The following MYO3B variants were observed in gnomAD, a reference collection of about 807,000 sequenced individuals.
MYO3B encodes the protein myosin-IIIb.
A neutral mutation model predicts 174.6 loss-of-function variants in MYO3B; 156 were observed. That is an observed-to-expected ratio of 0.89 (90% CI 0.78 to 1.02). MYO3B has a LOEUF of 1.02. Ranked by LOEUF, MYO3B falls within the 50% of genes least tolerant of loss-of-function variation. The pLI is 0.00. For missense variants in MYO3B, 1,632 were observed against 1,639.4 expected (o/e 1.00, Z 0.08); for synonymous variants, 563 against 569.1 (o/e 0.99, Z 0.15).
At chr2:170,441,490 G>C (rs1225767545) in intron 22 of MYO3B, among the ~76,000 whole-genome samples, 1 of 152,246 alleles carries the variant, frequency 6.6e-6, no homozygotes, top group African/African-American at 2.4e-5. Context: ...ATAGAGTAAA[G>C]TGAAAGCAAG....
chr2:170,288,971 G>T (rs372353679), intron 7 of MYO3B, among the ~76,000 whole-genome samples: 1 of 152,068 alleles, frequency 6.6e-6, no homozygotes. Context: ...ACAATCAGTT[G>T]GTTTTTGTTC....
At chr2:170,580,138 A>T (rs1693036822) in intron 32 of MYO3B, among the ~76,000 whole-genome samples, 1 of 152,262 alleles carries the variant, frequency 6.6e-6, no homozygotes. Context: ...GAATATAAGA[A>T]AAACAATATT....
intron 32 of MYO3B, among the ~76,000 whole-genome samples, chr2:170,595,815 C>T (rs1453639999): frequency 2.6e-5 from 4 of 152,160 alleles, no homozygotes; most frequent in Non-Finnish European, 5.9e-5. Flanking sequence ...CCTTCGTAGG[C>T]TTCTCTTCTC....
At chr2:170,251,610 G>A (rs934571431) in intron 7 of MYO3B, among the ~76,000 whole-genome samples, 7 of 152,252 alleles carry the variant, frequency 4.6e-5, no homozygotes, top group Non-Finnish European at 7.4e-5. Context: ...GTCCAGGAAC[G>A]CCTGGGCTAC....
intron 18 of MYO3B, 69 bp downstream of exon 18, chr2:170,401,760 A>G: frequency 7.0e-7 from 1 of 1,420,978 alleles, no homozygotes; most frequent in East Asian, 2.3e-5. Flanking sequence ...TAGAGTTTGC[A>G]AAAGGAAGCA....
intron 9 of MYO3B, among the ~76,000 whole-genome samples, chr2:170,375,100 T>TTTTA: frequency 6.6e-6 from 1 of 152,156 alleles, no homozygotes; most frequent in Non-Finnish European, 1.5e-5. Context: ...TTGGAGGTGT[T>TTTTA]TTTAAACTAT....
rs975379001 is a variant in MYO3B, at chr2:170,199,391, T to G, written c.186T>G (p.Ser62Arg). The G allele has an allele frequency of 1.9e-6, 3 of 1,597,484 alleles. No homozygotes were observed. ...LAAVKILDPV[S>R]DMDEEIEAEY... ...CAGTGAAAATTCTGGATCCAGTCAGTGTAAGTAACAGTTGTAAATTATAAC... is the reference window on the plus strand; with the variant it reads ...CAGTGAAAATTCTGGATCCAGTCAGGGTAAGTAACAGTTGTAAATTATAAC... Residue 62 changes from serine (S) to arginine (R), a missense_variant and splice_region_variant, in exon 2 of 35, where the codon AGT becomes AGG. Transcript: ENST00000408978.
chr2:170,250,594 G>A (rs905707318), intron 7 of MYO3B, among the ~76,000 whole-genome samples: 1 of 152,220 alleles, frequency 6.6e-6, no homozygotes, highest in African/African-American at 2.4e-5. Flanking sequence ...TCCATGGATG[G>A]CTTAAGTGTT....
chr2:170,453,439 CACACACACACACACGA>C (rs767551894), intron 23 of MYO3B, among the ~76,000 whole-genome samples: 1,988 of 137,664 alleles, frequency 0.014, 22 homozygotes, highest in Non-Finnish European at 0.021. Context: ...CACACACACA[CACACACACACACACGA>C]GAGAGAGAGA....
intron 14 of MYO3B, among the ~76,000 whole-genome samples, chr2:170,388,871 A>G (rs2094393779): frequency 6.6e-6 from 1 of 152,234 alleles, no homozygotes; most frequent in Admixed American, 6.5e-5. Context: ...GACTGGCATG[A>G]ACATTAAACA....
At chr2:170,209,716 C>T (rs1215264693) in intron 3 of MYO3B, among the ~76,000 whole-genome samples, 1 of 152,224 alleles carries the variant, frequency 6.6e-6, no homozygotes, top group East Asian at 1.9e-4. Context: ...TTGGTTATCT[C>T]TCTTCTTCTC....
At chr2:170,632,798 G>C (rs1697123750) in intron 32 of MYO3B, among the ~76,000 whole-genome samples, 1 of 150,840 alleles carries the variant, frequency 6.6e-6, no homozygotes, top group African/African-American at 2.4e-5. Flanking sequence ...ATGATAAACG[G>C]CATATCACCA....
At chr2:170,238,501 C>T (rs2093096297) in intron 7 of MYO3B, among the ~76,000 whole-genome samples, 1 of 152,150 alleles carries the variant, frequency 6.6e-6, no homozygotes, top group African/African-American at 2.4e-5. Flanking sequence ...CTTTGGAATT[C>T]TTGTCAGTGA....
At chr2:170,330,067 T>C (rs2093901131) in intron 7 of MYO3B, among the ~76,000 whole-genome samples, 1 of 152,200 alleles carries the variant, frequency 6.6e-6, no homozygotes, top group Admixed American at 6.5e-5. Context: ...CTTTCTATCT[T>C]CCTCTGTTAT....
At chr2:170,313,411 G>A (rs1269433193) in intron 7 of MYO3B, among the ~76,000 whole-genome samples, 1 of 152,166 alleles carries the variant, frequency 6.6e-6, no homozygotes, top group Non-Finnish European at 1.5e-5. Context: ...AGGGGTTGGG[G>A]TTAACCTTAG....
chr2:170,250,591 A>G (rs1282220016), intron 7 of MYO3B, among the ~76,000 whole-genome samples: 1 of 152,212 alleles, frequency 6.6e-6, no homozygotes, highest in Non-Finnish European at 1.5e-5. Context: ...CCATCCATGG[A>G]TGGCTTAAGT....
chr2:170,377,706 C>T (rs2094305277), intron 9 of MYO3B, among the ~76,000 whole-genome samples: 1 of 152,186 alleles, frequency 6.6e-6, no homozygotes. Flanking sequence ...CCAGCCTTGG[C>T]AGCCAACATA....
chr2:170,343,071 A>ACACC (rs1558907105), intron 8 of MYO3B, among the ~76,000 whole-genome samples: 1 of 141,732 alleles, frequency 7.1e-6, no homozygotes, highest in Non-Finnish European at 1.5e-5. Context: ...ACACACACAC[A>ACACC]CACACACCCC....
At chr2:170,490,793 T>G (rs770779342) in intron 25 of MYO3B, among the ~76,000 whole-genome samples, 3 of 152,194 alleles carry the variant, frequency 2.0e-5, no homozygotes, top group Non-Finnish European at 4.4e-5. Context: ...AAATGCTTTT[T>G]TTTCATTTAT....
Sources: gnomAD v4.1 joint callset for allele counts (sites outside exome capture counted in the v4.1 genomes callset) on GRCh38, gnomAD v4.1.1 for gene constraint, MANE v1.5 for transcripts, NCBI Gene and HGNC (gene_info 2026-07-23, HGNC 2026-07-21) for gene names.